Variants in SOCS1 observed in about 807,000 individuals in gnomAD.
The protein encoded by SOCS1 is suppressor of cytokine signaling 1.
In SOCS1, 3 loss-of-function variants were observed where a neutral mutation model predicts 9.7. The observed-to-expected ratio is 0.31, with a 90% CI of 0.14 to 0.80. The LOEUF is 0.80. Among genes scored for constraint, SOCS1 ranks in the 30% least tolerant of loss-of-function variants. The probability of loss-of-function intolerance (pLI) is 0.61; values close to 1 mark genes in which losing one functional copy is unlikely to be tolerated. For synonymous variants in SOCS1, 194 were observed against 150.2 expected (o/e 1.29, Z -2.13); for missense variants, 368 against 324.7 (o/e 1.13, Z -1.02).
rs1301022949 is a variant in SOCS1 at position 11,255,092 on chromosome 16, G to A, written c.387C>T (p.His129=). Reference sequence around the variant, plus strand: ...CCAGGTGAAAGCGGCCGGCCTGAAAGTGCACGCGGATGCTCGTGGGTCCCG... The same window carrying A: ...CCAGGTGAAAGCGGCCGGCCTGAAAATGCACGCGGATGCTCGTGGGTCCCG... ...MASGPTSIRV[H]FQAGRFHLDG... Residue 129 remains histidine (H), a synonymous_variant, in exon 2 of 2, where the codon CAC becomes CAT. Transcript: ENST00000332029. 6.2e-7 allele frequency: 1 copy of A among 1,610,390 alleles called. No individual in the cohort carries two copies. The highest frequency in any genetic ancestry group is 2.2e-5 in the East Asian group (1 of 44,664).
intron 1 of SOCS1, chr16:11,255,761 T>G: frequency 3.4e-4 from 90 of 263,380 alleles, no homozygotes; most frequent in Non-Finnish European, 3.9e-4. Context: ...GAGTCCGGCC[T>G]CCGGGCAGCA....
Position 11,254,960 on chromosome 16 carries a change from C to A in SOCS1, c.519G>T (p.Pro173=), listed in dbSNP as rs531737407. ...GAPLRQRRVR[P]LQELCRQRIV... ...TGCGCTGGCGGCACAGCTCCTGCAG[C>A]GGCCGCACGCGGCGCTGGCGCAGCG... Residue 173 remains proline (P), a synonymous_variant, in exon 2 of 2, where the codon CCG becomes CCT. Transcript: ENST00000332029. 1.3e-6 allele frequency: 2 copies of A among 1,505,474 alleles called. No homozygotes were observed. The highest frequency in any genetic ancestry group is 2.6e-5 in the South Asian group (2 of 76,694). 93.3% of individuals were successfully genotyped at this position (1,505,474 alleles called of 1,614,324 possible).
chr16:11,255,780 G>T, intron 1 of SOCS1: 1 of 267,936 alleles, frequency 3.7e-6, no homozygotes, highest in Non-Finnish European at 7.0e-6. Flanking sequence ...CACCGAGAGG[G>T]GGGCGTGGAG....
At position 11,255,462 on chromosome 16, in the gene SOCS1, T is replaced by G. The variant is rs2141125550; in HGVS notation, c.17A>C (p.Gln6Pro). 7.7e-7 allele frequency: 1 copy of G among 1,292,012 alleles called. No individual in the cohort carries two copies. Among genetic ancestry groups the G allele is most frequent in the Non-Finnish European group, 9.8e-7 (1 of 1,022,984 alleles). The allele number at this position is 1,292,012 out of a possible 1,614,324, so 80.0% of individuals were successfully genotyped here. A position where few individuals can be genotyped will look rare whatever the true frequency, so the allele number is the denominator to read the frequency against. The change falls in exon 2 of 2, where the codon CAG (glutamine) becomes CCG (proline). Residue 6 changes from glutamine to proline, a missense_variant. Gln to Pro is a moderately conservative substitution (Grantham distance 76, BLOSUM62 -1). Coordinates refer to ENST00000332029, the MANE Select transcript of SOCS1 (RefSeq NM_003745.2). ...GGAGACTGCATTGTCGGCTGCCACC[T>G]GGTTGTGTGCTACCATCCTACAGAA... MVAHN[Q>P]VAADNAVSTA...
chr16:11,255,252 G>A lies in SOCS1; in HGVS notation c.227C>T (p.Ala76Val), dbSNP rs766097160. The change falls in exon 2 of 2, where the codon GCC becomes GTC. Residue 76 changes from alanine to valine, a missense_variant. Ala to Val is a moderately conservative substitution (Grantham distance 64). Coordinates refer to ENST00000332029, the MANE Select transcript of SOCS1 (RefSeq NM_003745.2). ...RITRASALLD[A>V]CGFYWGPLSV... ...CAGGGGCCCCCAGTAGAATCCGCAGGCGTCCAGGAGCGCGCTGGCGCGCGT... is the reference window on the plus strand; with the variant it reads ...CAGGGGCCCCCAGTAGAATCCGCAGACGTCCAGGAGCGCGCTGGCGCGCGT... 2.3e-5 allele frequency: 35 copies of A among 1,552,404 alleles called. No individual in the cohort carries two copies. The highest frequency in any genetic ancestry group is 4.9e-5 in the East Asian group (2 of 40,546).
At chr16:11,256,001 C>G (rs972278899) in intron 1 of SOCS1, 78 bp downstream of exon 1, 1 of 151,778 alleles carries the variant, frequency 6.6e-6, no homozygotes, top group Admixed American at 6.6e-5. Flanking sequence ...CTGCAGCCCC[C>G]GAGGCTCGCC....
In SOCS1 at chr16:11,254,973, C is replaced by G. The variant is rs2069577490; in HGVS notation, c.506G>C (p.Arg169Pro). 2.0e-6 allele frequency: 3 copies of G among 1,530,102 alleles called. No homozygotes were observed. The highest frequency in any genetic ancestry group is 2.6e-6 in the Non-Finnish European group (3 of 1,144,484). 94.8% of individuals were successfully genotyped at this position (1,530,102 alleles called of 1,614,324 possible). ...RRMLGAPLRQ[R>P]RVRPLQELCR... ...CAGCTCCTGCAGCGGCCGCACGCGG[C>G]GCTGGCGCAGCGGGGCCCCCAGCAT... Residue 169 changes from arginine to proline, a missense_variant, in exon 2 of 2, where the codon CGC becomes CCC. Physicochemically the swap from Arg to Pro is moderately radical, Grantham distance 103. Coordinates refer to ENST00000332029, the MANE Select transcript of SOCS1 (RefSeq NM_003745.2).
intron 1 of SOCS1, 108 bp from the exon 2 acceptor site, chr16:11,255,636 G>T (rs760073846): frequency 1.2e-5 from 5 of 405,870 alleles, no homozygotes; most frequent in Non-Finnish European, 2.1e-5. Flanking sequence ...GCCCTAGGGG[G>T]CGAGCACGGA....
chr16:11,255,276 G>A lies in SOCS1; in HGVS notation c.203C>T (p.Thr68Met). The A allele has an allele frequency of 1.3e-6, 2 of 1,537,538 alleles. No individual in the cohort carries two copies. Among genetic ancestry groups the A allele is most frequent in the Non-Finnish European group, 1.7e-6 (2 of 1,147,716 alleles). ...FRSHADYRRI[T>M]RASALLDACG... ...GGCGTCCAGGAGCGCGCTGGCGCGC[G>A]TGATGCGCCGGTAATCGGCGTGCGA... The change falls in exon 2 of 2, where the codon ACG becomes ATG. Residue 68 changes from threonine (T) to methionine (M), a missense_variant. Transcript: ENST00000332029.
In SOCS1 at chr16:11,255,336, G is replaced by C. The variant is rs1185653650; in HGVS notation, c.143C>G (p.Pro48Arg). ...RPRPCPAVPAPAPGDTHFRTF... is the reference protein window; with the variant it reads ...RPRPCPAVPARAPGDTHFRTF... ...GCGGAAGTGCGTGTCGCCGGGGGCCGGGGCCGGGACCGCGGGGCACGGCCG... is the reference window on the plus strand; with the variant it reads ...GCGGAAGTGCGTGTCGCCGGGGGCCCGGGCCGGGACCGCGGGGCACGGCCG... The change falls in exon 2 of 2, where the codon CCG becomes CGG. Residue 48 changes from proline (P) to arginine (R), a missense_variant. Coordinates refer to ENST00000332029, the MANE Select transcript of SOCS1 (RefSeq NM_003745.2). The C allele has an allele frequency of 1.4e-6, 2 of 1,455,672 alleles. No individual in the cohort carries two copies. The highest frequency in any genetic ancestry group is 1.8e-6 in the Non-Finnish European group (2 of 1,108,148). 90.2% of individuals were successfully genotyped at this position (1,455,672 alleles called of 1,614,324 possible). A position where few individuals can be genotyped will look rare whatever the true frequency, so the allele number is the denominator to read the frequency against.
At position 11,255,541 on chromosome 16, in the gene SOCS1, C is replaced by A. The variant is rs2069589264; in HGVS notation, c.-50-13G>T. 1 of 1,084,160 alleles carries A rather than the reference C, an allele frequency of 9.2e-7. No homozygotes were observed. The highest frequency in any genetic ancestry group is 1.2e-6 in the Non-Finnish European group (1 of 850,904). The allele number at this position is 1,084,160 out of a possible 1,614,324, so 67.2% of individuals were successfully genotyped here. On this transcript the variant is annotated splice_polypyrimidine_tract_variant and intron_variant, in intron 1 of 1. Transcript: ENST00000332029. ...GTCCGGGGGTGCGCTGCGGGAGAGA[C>A]AAAGAGGTGAGCTGGGGCGCTGCGG...
At chr16:11,255,766 GC>G (rs2069593372) in intron 1 of SOCS1, 2 of 284,740 alleles carry the variant, frequency 7.0e-6, no homozygotes, top group East Asian at 1.1e-4. Flanking sequence ...CGGCCTCCGG[GC>G]AGCACCGAGA....
At position 11,254,835 on chromosome 16, in the gene SOCS1, G is replaced by A. The variant is rs2141124115; in HGVS notation, c.*8C>T. ...AGTTAATGCTGCGTGCACGGCGGGCGCTGCCGGTCAAATCTGGAAGGGGAA... is the reference window on the plus strand; with the variant it reads ...AGTTAATGCTGCGTGCACGGCGGGCACTGCCGGTCAAATCTGGAAGGGGAA... On this transcript the variant is annotated 3_prime_UTR_variant, in exon 2 of 2. Coordinates refer to ENST00000332029, the MANE Select transcript of SOCS1 (RefSeq NM_003745.2). 1 of 1,469,120 alleles carries A rather than the reference G, an allele frequency of 6.8e-7. No individual in the cohort carries two copies. Among genetic ancestry groups the A allele is most frequent in the Non-Finnish European group, 8.9e-7 (1 of 1,117,704 alleles). The allele number at this position is 1,469,120 out of a possible 1,614,324, so 91.0% of individuals were successfully genotyped here.
chr16:11,255,399 G>T lies in SOCS1; in HGVS notation c.80C>A (p.Ser27Tyr). 1 of 1,337,462 alleles carries T rather than the reference G, an allele frequency of 7.5e-7. No homozygotes were observed. Among genetic ancestry groups the T allele is most frequent in the Non-Finnish European group, 9.5e-7 (1 of 1,050,480 alleles). The allele number at this position is 1,337,462 out of a possible 1,614,324, so 82.8% of individuals were successfully genotyped here. A position where few individuals can be genotyped will look rare whatever the true frequency, so the allele number is the denominator to read the frequency against. ...GGCCGCGGGCGAGGAGGAGGAAGAG[G>T]AGGAAGGTTCTGGCCGCCGTCGGGG... Reference protein sequence around the residue: ...AEPRRRPEPSSSSSSSPAAPA... With the variant: ...AEPRRRPEPSYSSSSSPAAPA... Residue 27 changes from serine (S) to tyrosine (Y), a missense_variant, in exon 2 of 2, where the codon TCC becomes TAC. Ser to Tyr is a moderately radical substitution (Grantham distance 144). Transcript: ENST00000332029.
At position 11,255,281 on chromosome 16, in the gene SOCS1, G is replaced by C; in HGVS notation, c.198C>G (p.Arg66=). 1 of 1,535,526 alleles carries C rather than the reference G, an allele frequency of 6.5e-7. No individual in the cohort carries two copies. Among genetic ancestry groups the C allele is most frequent in the Non-Finnish European group, 8.7e-7 (1 of 1,146,606 alleles). Residue 66 remains arginine, a synonymous_variant, in exon 2 of 2, where the codon CGC becomes CGG. Coordinates refer to ENST00000332029, the MANE Select transcript of SOCS1 (RefSeq NM_003745.2). ...RTFRSHADYR[R]ITRASALLDA... ...CCAGGAGCGCGCTGGCGCGCGTGAT[G>C]CGCCGGTAATCGGCGTGCGAACGGA...
rs1487955363 is a variant in SOCS1 at position 11,256,119 on chromosome 16, G to C, written c.-91C>G. On this transcript the variant is annotated 5_prime_UTR_variant, in exon 1 of 2. Transcript: ENST00000332029. ...GGGACGCCGCGGGCGGGACGGCGGGGGGCTCCGGGGCGCTCCGGGGCGGCT... is the reference window on the plus strand; with the variant it reads ...GGGACGCCGCGGGCGGGACGGCGGGCGGCTCCGGGGCGCTCCGGGGCGGCT... 1 of 151,520 alleles carries C rather than the reference G, an allele frequency of 6.6e-6. No individual in the cohort carries two copies. Among genetic ancestry groups the C allele is most frequent in the African/African-American group, 2.4e-5 (1 of 41,332 alleles). The allele number at this position is 151,520 out of a possible 1,614,324, so 9.4% of individuals were successfully genotyped here. A position where few individuals can be genotyped will look rare whatever the true frequency, so the allele number is the denominator to read the frequency against.
Position 11,255,275 on chromosome 16 carries a change from C to T in SOCS1, c.204G>A (p.Thr68=), listed in dbSNP as rs779475062. 1 of 1,537,064 alleles carries T rather than the reference C, an allele frequency of 6.5e-7. No individual in the cohort carries two copies. Among genetic ancestry groups the T allele is most frequent in the South Asian group, 1.2e-5 (1 of 83,660 alleles). Residue 68 remains threonine, a synonymous_variant, in exon 2 of 2, where the codon ACG becomes ACA. Coordinates refer to ENST00000332029, the MANE Select transcript of SOCS1 (RefSeq NM_003745.2). ...FRSHADYRRI[T]RASALLDACG... The stretch of plus-strand genomic sequence containing the variant: ...AGGCGTCCAGGAGCGCGCTGGCGCG[C>T]GTGATGCGCCGGTAATCGGCGTGCG...
Position 11,254,979 on chromosome 16 carries a change from C to T in SOCS1, c.500G>A (p.Arg167His), listed in dbSNP as rs765820159. The change falls in exon 2 of 2, where the codon CGC becomes CAC. Residue 167 changes from arginine to histidine, a missense_variant. Physicochemically the swap from Arg to His is conservative, Grantham distance 29. Transcript: ENST00000332029. The stretch of plus-strand genomic sequence containing the variant: ...CTGCAGCGGCCGCACGCGGCGCTGG[C>T]GCAGCGGGGCCCCCAGCATGCGGCG... ...APRRMLGAPLRQRRVRPLQEL... is the reference protein window; with the variant it reads ...APRRMLGAPLHQRRVRPLQEL... 2.6e-6 allele frequency: 4 copies of T among 1,538,980 alleles called. No individual in the cohort carries two copies. The highest frequency in any genetic ancestry group is 1.2e-5 in the South Asian group (1 of 82,812).
rs901897023 is a variant in SOCS1 at position 11,256,132 on chromosome 16, CTCCGGGGCGG to C, written c.-114_-105del. On this transcript the variant is annotated 5_prime_UTR_variant, in exon 1 of 2. An upstream open reading frame in the 5' UTR gains an earlier in-frame stop. Coordinates refer to ENST00000332029, the MANE Select transcript of SOCS1 (RefSeq NM_003745.2). Reference sequence around the variant, plus strand: ...CGGGACGGCGGGGGGCTCCGGGGCGCTCCGGGGCGGCTCTCGCGCATGCTCCGGGGCCAGG... The same window carrying C: ...CGGGACGGCGGGGGGCTCCGGGGCGCCTCTCGCGCATGCTCCGGGGCCAGG... The C allele has an allele frequency of 2.6e-5, 4 of 151,654 alleles. No homozygotes were observed. The highest frequency in any genetic ancestry group is 7.2e-5 in the African/African-American group (3 of 41,446). 9.4% of individuals were successfully genotyped at this position (151,654 alleles called of 1,614,324 possible). A position where few individuals can be genotyped will look rare whatever the true frequency, so the allele number is the denominator to read the frequency against.
Sources: gnomAD v4.1 joint callset for allele counts on GRCh38, gnomAD v4.1.1 for gene constraint, MANE v1.5 for transcripts, NCBI Gene and HGNC (gene_info 2026-07-23, HGNC 2026-07-21) for gene names.